The following ERBB4 variants were observed in gnomAD, a reference collection of about 807,000 sequenced individuals.
ERBB4 encodes receptor tyrosine-protein kinase erbB-4.
In ERBB4, 42 loss-of-function variants were observed where a neutral mutation model predicts 158.0. The observed-to-expected ratio is 0.27, with a 90% confidence interval of 0.21 to 0.34. The LOEUF is 0.34. Ranked by LOEUF, ERBB4 falls within the 10% of genes least tolerant of loss-of-function variation. ERBB4 has a pLI of 1.00. For missense variants in ERBB4, 1,333 were observed against 1,624.1 expected (o/e 0.82, Z 3.08); for synonymous variants, 583 against 558.7 (o/e 1.04, Z -0.61).
chr2:211,503,092 G>T (rs975132453), intron 20 of ERBB4, among the ~76,000 whole-genome samples: 1 of 151,948 alleles, frequency 6.6e-6, no homozygotes, highest in Non-Finnish European at 1.5e-5. Flanking sequence ...AGAAACTCTG[G>T]GACACCACAT....
intron 3 of ERBB4, among the ~76,000 whole-genome samples, chr2:211,801,986 A>G (rs886545853): frequency 3.3e-5 from 5 of 152,296 alleles, no homozygotes; most frequent in Admixed American, 1.3e-4. Flanking sequence ...CAGGCCGGGC[A>G]CGGTGGCTCA....
At chr2:212,402,742 G>C (rs543088605) in intron 1 of ERBB4, among the ~76,000 whole-genome samples, 1 of 151,934 alleles carries the variant, frequency 6.6e-6, no homozygotes, top group Non-Finnish European at 1.5e-5. Context: ...AAATACAGGG[G>C]TTTGTAAATT....
intron 2 of ERBB4, among the ~76,000 whole-genome samples, chr2:212,111,785 T>C (rs2079416848): frequency 6.6e-6 from 1 of 152,126 alleles, no homozygotes. Flanking sequence ...ACTGGGGATA[T>C]AAAGAAAGAT....
Position 212,205,295 on chromosome 2 carries a change from G to T in ERBB4, c.83-80392C>A, listed in dbSNP as rs547361719. ...CCCACCTCAGCCTCCCAAGTAGCTA[G>T]GATTGCAGGTGCGTGCCACCACGCC... On this transcript the variant is annotated intron_variant, in intron 1 of 27. Coordinates refer to ENST00000342788, the MANE Select transcript of ERBB4 (RefSeq NM_005235.3). 2.6e-5 allele frequency among the ~76,000 whole-genome samples: 4 copies of T among 152,262 alleles called. No homozygotes were observed. The South Asian group carries it at 8.3e-4, about 32-fold the overall frequency.
At chr2:211,942,169 G>A (rs1054645242) in intron 3 of ERBB4, among the ~76,000 whole-genome samples, 2 of 152,004 alleles carry the variant, frequency 1.3e-5, no homozygotes, top group African/African-American at 4.8e-5. Context: ...ATGCCAAAGA[G>A]GCTTGAGAGA....
At chr2:212,028,469 T>G (rs1375955118) in intron 2 of ERBB4, among the ~76,000 whole-genome samples, 1 of 152,072 alleles carries the variant, frequency 6.6e-6, no homozygotes, top group African/African-American at 2.4e-5. Flanking sequence ...AAAGACAAAT[T>G]TTCTCATAAA....
At chr2:212,257,080 G>A (rs978582729) in intron 1 of ERBB4, among the ~76,000 whole-genome samples, 11 of 152,088 alleles carry the variant, frequency 7.2e-5, no homozygotes, top group African/African-American at 2.4e-4. Context: ...GCAGTCCCCA[G>A]TGTTTATTGT....
At chr2:212,535,471 T>C (rs190671994) in intron 1 of ERBB4, among the ~76,000 whole-genome samples, 18 of 152,332 alleles carry the variant, frequency 1.2e-4, no homozygotes, top group Non-Finnish European at 2.2e-4. Flanking sequence ...TGTACTTTTA[T>C]AGAATGAAAA....
intron 1 of ERBB4, among the ~76,000 whole-genome samples, chr2:212,352,936 T>C (rs1240626515): frequency 6.6e-6 from 1 of 151,950 alleles, no homozygotes; most frequent in Non-Finnish European, 1.5e-5. Flanking sequence ...GTAGCACAAT[T>C]TTTTTTCATG....
At chr2:212,190,275 G>C (rs2125708054) in intron 1 of ERBB4, among the ~76,000 whole-genome samples, 1 of 152,304 alleles carries the variant, frequency 6.6e-6, no homozygotes, top group Non-Finnish European at 1.5e-5. Flanking sequence ...GGTAGCTCAA[G>C]CCTGTAATCC....
At chr2:211,799,973 C>G (rs1027331945) in intron 3 of ERBB4, among the ~76,000 whole-genome samples, 1 of 152,270 alleles carries the variant, frequency 6.6e-6, no homozygotes, top group African/African-American at 2.4e-5. Context: ...TTTTAACCCA[C>G]TTTTATGAGT....
At chr2:211,784,837 G>T (rs1274851495) in intron 4 of ERBB4, among the ~76,000 whole-genome samples, 1 of 152,014 alleles carries the variant, frequency 6.6e-6, no homozygotes, top group East Asian at 1.9e-4. Context: ...TGATTTTGGG[G>T]TTGGTTTTTC....
chr2:211,731,198 T>G (rs915833934), intron 5 of ERBB4, among the ~76,000 whole-genome samples: 1 of 152,170 alleles, frequency 6.6e-6, no homozygotes, highest in African/African-American at 2.4e-5. Context: ...AAAAGTATCT[T>G]GGGGCAATCC....
In ERBB4 at chr2:212,529,202, A is replaced by AT. The variant is rs1370564962; in HGVS notation, c.82+9246dup. On this transcript the variant is annotated intron_variant, in intron 1 of 27. Transcript: ENST00000342788. ...GAAATACACACTGGTGGATCAGTAC[A>AT]TGCTTATTGCTTAAATTGATTAAAT... Among the ~76,000 whole-genome samples, 14 of 152,300 alleles carry AT rather than the reference A, an allele frequency of 9.2e-5. No homozygotes were observed. In the East Asian group the frequency reaches 2.7e-3, roughly 29 times the overall value.
chr2:211,447,857 T>G (rs1388353260), intron 20 of ERBB4, among the ~76,000 whole-genome samples: 1 of 152,212 alleles, frequency 6.6e-6, no homozygotes, highest in Non-Finnish European at 1.5e-5. Flanking sequence ...ATTAGAATAT[T>G]TAAATCAAAG....
intron 14 of ERBB4, among the ~76,000 whole-genome samples, chr2:211,668,434 T>A (rs1484267781): frequency 6.6e-6 from 1 of 152,140 alleles, no homozygotes; most frequent in Admixed American, 6.5e-5. Flanking sequence ...TCCCAAAGGC[T>A]TTAAGAACCG....
At chr2:212,084,536 A>G (rs918572977) in intron 2 of ERBB4, among the ~76,000 whole-genome samples, 1 of 151,990 alleles carries the variant, frequency 6.6e-6, no homozygotes, top group Non-Finnish European at 1.5e-5. Context: ...CTGCAGAAAT[A>G]TTTCTGAAGT....
intron 16 of ERBB4, among the ~76,000 whole-genome samples, chr2:211,636,747 G>A (rs2070376973): frequency 6.6e-6 from 1 of 151,652 alleles, no homozygotes; most frequent in Admixed American, 6.6e-5. Context: ...TGGGGTATGT[G>A]TGTATGTGTA....
At chr2:211,424,930 A>G (rs2063592960) in intron 22 of ERBB4, among the ~76,000 whole-genome samples, 1 of 152,140 alleles carries the variant, frequency 6.6e-6, no homozygotes, top group South Asian at 2.1e-4. Context: ...GGGGATAGAA[A>G]GTAGTTTATT....
Sources: allele counts gnomAD v4.1 joint callset (sites outside exome capture counted in the v4.1 genomes callset), GRCh38; gene constraint gnomAD v4.1.1; transcripts MANE v1.5; gene names NCBI Gene and HGNC (gene_info 2026-07-23, HGNC 2026-07-21).